The following MAP2K4 variants were observed in gnomAD, a reference collection of about 807,000 sequenced individuals.
MAP2K4 encodes the protein dual specificity mitogen-activated protein kinase kinase 4.
In MAP2K4, 4 loss-of-function variants were observed where a neutral mutation model predicts 48.5. The observed-to-expected ratio is 0.08, with a 90% CI of 0.04 to 0.19. The LOEUF is 0.19. MAP2K4 is among the 10% of genes least tolerant of loss of function. MAP2K4 has a pLI of 1.00. For missense variants in MAP2K4, 258 were observed against 493.3 expected, an observed-to-expected ratio of 0.52 and a Z score of 4.52; for synonymous variants, 166 against 173.1, an observed-to-expected ratio of 0.96 and a Z score of 0.32.
chr17:12,093,618 A>C (rs1232680513), intron 3 of MAP2K4, among the ~76,000 whole-genome samples: 1 of 152,224 alleles, frequency 6.6e-6, no homozygotes, highest in African/African-American at 2.4e-5. Context: ...ATAGTAGTTT[A>C]TGTGTGTTAG....
chr17:12,117,433 C>T (rs1398795556), intron 7 of MAP2K4, among the ~76,000 whole-genome samples: 4 of 152,002 alleles, frequency 2.6e-5, no homozygotes, highest in Admixed American at 2.0e-4. Context: ...CCCTTGTGGC[C>T]CCCTTTAGCT....
At chr17:12,125,240 C>A in intron 7 of MAP2K4, 54 bp from the exon 8 acceptor site, 1 of 1,346,304 alleles carries the variant, frequency 7.4e-7, no homozygotes, top group Non-Finnish European at 1.1e-6. Context: ...CTTCCATTTG[C>A]CTATTCCTTG....
At chr17:12,089,122 C>T (rs1165325935) in intron 3 of MAP2K4, among the ~76,000 whole-genome samples, 1 of 151,990 alleles carries the variant, frequency 6.6e-6, no homozygotes, top group Non-Finnish European at 1.5e-5. Context: ...CCGTGTTAGC[C>T]AGGATGGTTT....
At chr17:12,113,496 G>A in intron 7 of MAP2K4, 136 bp downstream of exon 7, 1 of 985,742 alleles carries the variant, frequency 1.0e-6, no homozygotes, top group Non-Finnish European at 1.4e-6. Context: ...CCCAAGCTCA[G>A]GTCCTAGCCT....
chr17:12,078,794 A>G (rs1384586763), intron 2 of MAP2K4, among the ~76,000 whole-genome samples: 1 of 152,136 alleles, frequency 6.6e-6, no homozygotes, highest in Non-Finnish European at 1.5e-5. Context: ...TTTAATGGAA[A>G]GGTTCTGGTC....
intron 3 of MAP2K4, among the ~76,000 whole-genome samples, chr17:12,082,637 G>A (rs1006555515): frequency 6.6e-6 from 1 of 152,324 alleles, no homozygotes; most frequent in Admixed American, 6.5e-5. Context: ...ATCCTTCACT[G>A]TTGAGCATTT....
At chr17:12,070,375 G>T (rs548105330) in intron 2 of MAP2K4, among the ~76,000 whole-genome samples, 1 of 152,102 alleles carries the variant, frequency 6.6e-6, no homozygotes, top group Non-Finnish European at 1.5e-5. Flanking sequence ...CCATCTTAGC[G>T]TACTTACCTA....
intron 2 of MAP2K4, among the ~76,000 whole-genome samples, chr17:12,057,188 A>C (rs1970306276): frequency 6.6e-6 from 1 of 152,172 alleles, no homozygotes. Flanking sequence ...AATTTTAGTA[A>C]GGCATAAGGT....
At chr17:12,093,261 C>T (rs746922696) in intron 3 of MAP2K4, among the ~76,000 whole-genome samples, 1 of 152,136 alleles carries the variant, frequency 6.6e-6, no homozygotes, top group Non-Finnish European at 1.5e-5. Flanking sequence ...ATAGGTTTTC[C>T]TGCCAGTGCT....
intron 9 of MAP2K4, among the ~76,000 whole-genome samples, chr17:12,137,939 A>G (rs1476807192): frequency 6.6e-6 from 1 of 152,132 alleles, no homozygotes; most frequent in African/African-American, 2.4e-5. Flanking sequence ...ACCTTTGTTT[A>G]TCATCATTTA....
At chr17:12,079,161 A>G (rs1971109291) in intron 2 of MAP2K4, among the ~76,000 whole-genome samples, 1 of 152,108 alleles carries the variant, frequency 6.6e-6, no homozygotes, top group Admixed American at 6.6e-5. Context: ...TATTTACAGA[A>G]TTGTGCATCT....
intron 6 of MAP2K4, among the ~76,000 whole-genome samples, chr17:12,111,841 C>T (rs56177397): frequency 6.5e-5 from 1 of 15,280 alleles, no homozygotes; most frequent in Non-Finnish European, 2.9e-4. Flanking sequence ...ACAATATGCT[C>T]CTCTTCCTTC....
chr17:12,072,868 T>C (rs1452342020), intron 2 of MAP2K4, among the ~76,000 whole-genome samples: 1 of 152,180 alleles, frequency 6.6e-6, no homozygotes, highest in Non-Finnish European at 1.5e-5. Flanking sequence ...TTGAGGGTGT[T>C]TAATAAGTAG....
chr17:12,024,926 AG>A (rs1450513508), intron 1 of MAP2K4, among the ~76,000 whole-genome samples: 1 of 152,208 alleles, frequency 6.6e-6, no homozygotes, highest in African/African-American at 2.4e-5. Flanking sequence ...CCGTTATACC[AG>A]GTAATTAATC....
intron 1 of MAP2K4, among the ~76,000 whole-genome samples, chr17:12,030,031 C>A (rs2151508767): frequency 6.6e-6 from 1 of 152,246 alleles, no homozygotes; most frequent in African/African-American, 2.4e-5. Context: ...AAGTTTTCCT[C>A]ATTTTTCCTT....
chr17:12,105,702 T>G (rs532475810), intron 4 of MAP2K4, among the ~76,000 whole-genome samples: 4 of 152,242 alleles, frequency 2.6e-5, no homozygotes, highest in South Asian at 2.1e-4. Context: ...TGCCATTGTG[T>G]TGTTTGTATG....
intron 2 of MAP2K4, among the ~76,000 whole-genome samples, chr17:12,058,119 C>G (rs1970338672): frequency 6.6e-6 from 1 of 151,992 alleles, no homozygotes. Context: ...CCAAAATTCA[C>G]CTTAGGAAGC....
intron 7 of MAP2K4, among the ~76,000 whole-genome samples, chr17:12,114,587 T>G (rs1161049335): frequency 6.6e-6 from 1 of 152,112 alleles, no homozygotes; most frequent in Non-Finnish European, 1.5e-5. Context: ...AGACATGGAG[T>G]ATTTGGGAAA....
At chr17:12,047,043 A>T (rs1427037375) in intron 1 of MAP2K4, among the ~76,000 whole-genome samples, 1 of 152,176 alleles carries the variant, frequency 6.6e-6, no homozygotes, top group Non-Finnish European at 1.5e-5. Context: ...GTACCCTTTC[A>T]GGAACTGATA....
Sources: gnomAD v4.1 joint callset for allele counts (sites outside exome capture counted in the v4.1 genomes callset) on GRCh38, gnomAD v4.1.1 for gene constraint, MANE v1.5 for transcripts, NCBI Gene and HGNC (gene_info 2026-07-23, HGNC 2026-07-21) for gene names.